The following SSR3 variants were observed in gnomAD, a reference collection of about 807,000 sequenced individuals.
The protein encoded by SSR3 is signal sequence receptor subunit 3.
In SSR3, 10 loss-of-function variants were observed where a neutral mutation model predicts 22.1. That is an observed-to-expected ratio of 0.45 (90% CI 0.28 to 0.77). The LOEUF is 0.77. SSR3 is among the 30% of genes least tolerant of loss of function. SSR3 has a pLI of 0.13. For missense variants in SSR3, 181 were observed against 220.5 expected (o/e 0.82, Z 1.13); for synonymous variants, 104 against 82.5 (o/e 1.26, Z -1.42).
At chr3:156,550,700 C>A (rs1348405412) in intron 2 of SSR3, among the ~76,000 whole-genome samples, 1 of 152,202 alleles carries the variant, frequency 6.6e-6, no homozygotes, top group African/African-American at 2.4e-5. Flanking sequence ...AAAGACACTA[C>A]CTGATTTCTT....
intron 3 of SSR3, among the ~76,000 whole-genome samples, chr3:156,547,402 T>C (rs909835284): frequency 3.8e-4 from 58 of 152,208 alleles, no homozygotes; most frequent in African/African-American, 1.4e-3. Flanking sequence ...AATTAATCAC[T>C]GAAAACCTTT....
rs149526409 is a variant in SSR3, at chr3:156,545,640, T to C, written c.360-1201A>G. Among the ~76,000 whole-genome samples the C allele has an allele frequency of 5.9e-4, 90 of 152,340 alleles. 2 individuals carry two copies. The East Asian group carries it at 0.016, about 27-fold the overall frequency. Reference sequence around the variant, plus strand: ...CATCTTATGCTCATCTTAAGAAATCTGTAGTCTCTAACAGATGCCATATTT... The same window carrying C: ...CATCTTATGCTCATCTTAAGAAATCCGTAGTCTCTAACAGATGCCATATTT... On this transcript the variant is annotated intron_variant, in intron 3 of 4. Coordinates refer to ENST00000265044, the MANE Select transcript of SSR3 (RefSeq NM_007107.5).
intron 3 of SSR3, among the ~76,000 whole-genome samples, chr3:156,548,450 A>T (rs1176996993): frequency 6.6e-6 from 1 of 152,228 alleles, no homozygotes; most frequent in African/African-American, 2.4e-5. Flanking sequence ...GTTAGGCGAT[A>T]TGTTCAAGGT....
intron 3 of SSR3, among the ~76,000 whole-genome samples, chr3:156,545,321 G>A (rs554661924): frequency 2.6e-5 from 4 of 152,276 alleles, no homozygotes; most frequent in African/African-American, 9.6e-5. Context: ...GCACAGAGTA[G>A]GATAATTATC....
chr3:156,552,029 G>A (rs1036425312), intron 2 of SSR3, among the ~76,000 whole-genome samples: 1 of 152,108 alleles, frequency 6.6e-6, no homozygotes, highest in African/African-American at 2.4e-5. Flanking sequence ...GGCTGGACAC[G>A]GCAGCTCACG....
rs1321313209 is a variant in SSR3, at chr3:156,544,310, T to C, written c.489A>G (p.Thr163=). ...ATAATCAACCTTGAAAAGGATACAC[T>C]GTGGGGTTGAAGTTCTTCAATATGA... ...SFFILKNFNP[T]VNYILSISAS... Residue 163 remains threonine (T), a splice_region_variant and synonymous_variant, in exon 4 of 5, where the codon ACA becomes ACG. Coordinates refer to ENST00000265044, the MANE Select transcript of SSR3 (RefSeq NM_007107.5). The C allele has an allele frequency of 1.3e-6, 2 of 1,586,102 alleles. No homozygotes were observed. Among genetic ancestry groups the C allele is most frequent in the South Asian group, 1.2e-5 (1 of 84,522 alleles).
chr3:156,544,547 C>A, intron 3 of SSR3, 108 bp from the exon 4 acceptor site: 1 of 857,750 alleles, frequency 1.2e-6, no homozygotes, highest in Non-Finnish European at 1.6e-6. Context: ...CTTGAGTGTT[C>A]TAGGGTAAGA....
In SSR3 at chr3:156,540,154, CAA is replaced by C. The variant is rs1243066730; in HGVS notation, c.*3047_*3048del. 1 of 151,304 alleles carries C rather than the reference CAA, an allele frequency of 6.6e-6. No individual in the cohort carries two copies. Among genetic ancestry groups the C allele is most frequent in the African/African-American group, 2.4e-5 (1 of 41,142 alleles). The allele number at this position is 151,304 out of a possible 1,614,324, so 9.4% of individuals were successfully genotyped here. A position where few individuals can be genotyped will look rare whatever the true frequency, so the allele number is the denominator to read the frequency against. On this transcript the variant is annotated 3_prime_UTR_variant, in exon 5 of 5. Transcript: ENST00000265044. ...TAGGGAAAATACAAATTTTAAGAAG[CAA>C]AGTTTAATCATACTTATTAAGCAAG... is the stretch of plus-strand genomic sequence containing the variant.
chr3:156,548,257 G>C (rs1383956576), intron 3 of SSR3, among the ~76,000 whole-genome samples: 1 of 152,168 alleles, frequency 6.6e-6, no homozygotes, highest in Non-Finnish European at 1.5e-5. Context: ...GCAGCCGGCA[G>C]AAAAAATTGG....
intron 3 of SSR3, among the ~76,000 whole-genome samples, chr3:156,545,877 T>A (rs1300969623): frequency 6.6e-6 from 1 of 152,214 alleles, no homozygotes; most frequent in Non-Finnish European, 1.5e-5. Context: ...AGATGCATAG[T>A]CTCAACATGG....
At chr3:156,548,829 T>C in intron 3 of SSR3, 76 bp downstream of exon 3, 1 of 1,561,474 alleles carries the variant, frequency 6.4e-7, no homozygotes, top group Non-Finnish European at 8.6e-7. Flanking sequence ...AAATCCAAAT[T>C]CTTTAAGCAA....
intron 3 of SSR3, among the ~76,000 whole-genome samples, chr3:156,545,332 G>A (rs1232698515): frequency 3.3e-5 from 5 of 152,284 alleles, no homozygotes; most frequent in South Asian, 4.1e-4. Context: ...GATAATTATC[G>A]TTTTATGAAA....
At position 156,555,047 on chromosome 3, in the gene SSR3, G is replaced by C. The variant is rs968223996; in HGVS notation, c.43C>G (p.Leu15Val). 1 of 1,614,036 alleles carries C rather than the reference G, an allele frequency of 6.2e-7. No homozygotes were observed. The highest frequency in any genetic ancestry group is 8.5e-7 in the Non-Finnish European group (1 of 1,179,954). Residue 15 changes from leucine (L) to valine (V), a missense_variant, in exon 1 of 5, where the codon CTG becomes GTG. Transcript: ENST00000265044. Reference protein sequence around the residue: ...GSSKQQSEEDLLLQDFSRNLS... With the variant: ...GSSKQQSEEDVLLQDFSRNLS... ...TTGCGGCTGAAATCCTGCAGGAGCA[G>C]GTCCTCCTCAGACTGCTGTTTGGAG... is the stretch of plus-strand genomic sequence containing the variant.
At chr3:156,552,511 A>G (rs1719999733) in intron 2 of SSR3, among the ~76,000 whole-genome samples, 1 of 152,222 alleles carries the variant, frequency 6.6e-6, no homozygotes, top group Non-Finnish European at 1.5e-5. Context: ...GACCAGATGG[A>G]GGTTGTTACA....
intron 3 of SSR3, 108 bp downstream of exon 3, chr3:156,548,797 A>G: frequency 7.0e-7 from 1 of 1,438,748 alleles, no homozygotes; most frequent in South Asian, 1.3e-5. Context: ...TACAATTCCA[A>G]AATTTACCTC....
chr3:156,551,545 A>G (rs1236304130), intron 2 of SSR3: 1 of 152,156 alleles, frequency 6.6e-6, no homozygotes, highest in Non-Finnish European at 1.5e-5. Context: ...AAGATAACCC[A>G]ATTTATCTGC....
chr3:156,550,761 A>C (rs1223319943), intron 2 of SSR3, among the ~76,000 whole-genome samples: 1 of 152,246 alleles, frequency 6.6e-6, no homozygotes, highest in African/African-American at 2.4e-5. Flanking sequence ...ACGTTAAAAA[A>C]CAAAAACAAC....
chr3:156,551,551 T>C lies in SSR3; in HGVS notation c.260+2104A>G, dbSNP rs552070265. On this transcript the variant is annotated intron_variant, in intron 2 of 4. Coordinates refer to ENST00000265044, the MANE Select transcript of SSR3 (RefSeq NM_007107.5). ...AAGATAACAAAGATAACCCAATTTA[T>C]CTGCTGGTCCATCAGAACAGCAGCC... 3.9e-5 allele frequency: 6 copies of C among 152,286 alleles called. No individual in the cohort carries two copies. The East Asian group carries it at 9.6e-4, about 24-fold the overall frequency. The allele number at this position is 152,286 out of a possible 1,614,324, so 9.4% of individuals were successfully genotyped here. A position where few individuals can be genotyped will look rare whatever the true frequency, so the allele number is the denominator to read the frequency against.
chr3:156,543,315 G>T, intron 4 of SSR3, 46 bp from the exon 5 acceptor site: 2 of 1,520,978 alleles, frequency 1.3e-6, no homozygotes, highest in Non-Finnish European at 1.8e-6. Context: ...CTCCAAATTG[G>T]TTTTTTGAGA....
Sources: gnomAD v4.1 joint callset for allele counts (sites outside exome capture counted in the v4.1 genomes callset) on GRCh38, gnomAD v4.1.1 for gene constraint, MANE v1.5 for transcripts, NCBI Gene and HGNC (gene_info 2026-07-23, HGNC 2026-07-21) for gene names.